The following FRMD4B variants were observed in gnomAD, a reference collection of about 807,000 sequenced individuals.
FRMD4B encodes FERM domain containing 4B.
A neutral mutation model predicts 141.5 loss-of-function variants in FRMD4B; 74 were observed. The observed-to-expected ratio is 0.52, with a 90% CI of 0.43 to 0.63. The LOEUF is 0.63. Ranked by LOEUF, FRMD4B falls within the 30% of genes least tolerant of loss-of-function variation. FRMD4B has a pLI of 0.00. For missense variants in FRMD4B, 1,366 were observed against 1,253.4 expected (o/e 1.09, Z -1.36); for synonymous variants, 506 against 467.9 (o/e 1.08, Z -1.05).
At chr3:69,250,347 A>G in intron 5 of FRMD4B, 1 of 404,798 alleles carries the variant, frequency 2.5e-6, no homozygotes, top group East Asian at 4.2e-5. Flanking sequence ...GTGACGGATT[A>G]TGTGTAGAGA....
intron 1 of FRMD4B, among the ~76,000 whole-genome samples, chr3:69,470,206 G>A (rs572669722): frequency 7.9e-5 from 12 of 152,328 alleles, no homozygotes; most frequent in Admixed American, 2.0e-4. Flanking sequence ...CCACAGTGCA[G>A]TCCATTATGG....
intron 4 of FRMD4B, among the ~76,000 whole-genome samples, chr3:69,295,095 C>G (rs768265784): frequency 2.0e-5 from 3 of 152,200 alleles, no homozygotes; most frequent in Non-Finnish European, 4.4e-5. Flanking sequence ...TCTACATTAG[C>G]TGTTAGCACT....
chr3:69,397,853 A>G (rs1321219821), intron 2 of FRMD4B, among the ~76,000 whole-genome samples: 1 of 152,208 alleles, frequency 6.6e-6, no homozygotes, highest in African/African-American at 2.4e-5. Context: ...CATTTTACAT[A>G]GGTGAACTAT....
intron 1 of FRMD4B, among the ~76,000 whole-genome samples, chr3:69,508,510 G>A (rs568703684): frequency 6.6e-6 from 1 of 152,266 alleles, no homozygotes; most frequent in East Asian, 1.9e-4. Context: ...AATAGGGGAA[G>A]GGAGAAAGAA....
intron 1 of FRMD4B, among the ~76,000 whole-genome samples, chr3:69,332,808 A>G (rs1432602876): frequency 7.1e-6 from 1 of 140,118 alleles, no homozygotes; most frequent in East Asian, 2.0e-4. Context: ...GGCTGTTCTC[A>G]AACTCCTGGG....
At chr3:69,338,420 A>G (rs1236314907) in intron 1 of FRMD4B, among the ~76,000 whole-genome samples, 1 of 152,194 alleles carries the variant, frequency 6.6e-6, no homozygotes, top group Non-Finnish European at 1.5e-5. Flanking sequence ...ACAAACCTGC[A>G]CGTTGTGCAC....
intron 7 of FRMD4B, among the ~76,000 whole-genome samples, chr3:69,244,709 C>T (rs2093411076): frequency 6.6e-6 from 1 of 151,992 alleles, no homozygotes. Flanking sequence ...GCCTGGACAA[C>T]ATGGTGAAAA....
At position 69,446,184 on chromosome 3, in the gene FRMD4B, T is replaced by A. The variant is rs780153651; in HGVS notation, c.-128-13423A>T. 2.4e-4 allele frequency among the ~76,000 whole-genome samples: 36 copies of A among 147,384 alleles called. 1 individual carries two copies. The highest frequency in any genetic ancestry group is 5.0e-4 in the Non-Finnish European group (33 of 66,662). The stretch of plus-strand genomic sequence containing the variant: ...CTGGGATTACAGGCATGTACCACCA[T>A]GCCTGGCTAATTTTTGTATTTTTCG... On this transcript the variant is annotated intron_variant, in intron 1 of 5. Transcript: ENST00000459638.
rs1559721470 is a variant in FRMD4B, at chr3:69,212,374, A to AAAAG, written c.876+3888_876+3889insCTTT. Among the ~76,000 whole-genome samples the AAAAG allele has an allele frequency of 1.1e-3, 102 of 89,480 alleles. 3 individuals carry two copies. The highest frequency in any genetic ancestry group is 2.8e-3 in the Admixed American group (19 of 6,710). 58.7% of individuals were successfully genotyped at this position (89,480 alleles called of 152,430 possible). On this transcript the variant is annotated intron_variant, in intron 11 of 22. Coordinates refer to ENST00000398540, the MANE Select transcript of FRMD4B (RefSeq NM_015123.3). ...AACCCCGTCTCAAAAAAAAAAAAAA[A>AAAAG]AAAAAAGAAAAAAAAAAAGAAAAAA... is the stretch of plus-strand genomic sequence containing the variant.
chr3:69,308,272 T>C (rs1459646590), intron 3 of FRMD4B, among the ~76,000 whole-genome samples: 1 of 152,136 alleles, frequency 6.6e-6, no homozygotes, highest in Non-Finnish European at 1.5e-5. Context: ...GCACTGTTAT[T>C]ATGTCCAGCG....
At chr3:69,360,797 C>T (rs1192525276) in intron 1 of FRMD4B, among the ~76,000 whole-genome samples, 1 of 152,100 alleles carries the variant, frequency 6.6e-6, no homozygotes, top group Non-Finnish European at 1.5e-5. Flanking sequence ...TAGGTCGCCA[C>T]TTGTGTTTTT....
At chr3:69,182,751 T>G (rs1202394358) in intron 19 of FRMD4B, 34 bp from the exon 20 acceptor site, 1 of 1,606,722 alleles carries the variant, frequency 6.2e-7, no homozygotes, top group Non-Finnish European at 8.5e-7. Flanking sequence ...CAGGAAATGA[T>G]GAGTCTCTCA....
At chr3:69,204,599 G>A (rs143567327) in intron 11 of FRMD4B, among the ~76,000 whole-genome samples, 1 of 152,214 alleles carries the variant, frequency 6.6e-6, no homozygotes, top group African/African-American at 2.4e-5. Flanking sequence ...TATACTGTTA[G>A]TACCTTCTGG....
intron 1 of FRMD4B, among the ~76,000 whole-genome samples, chr3:69,447,402 G>A (rs566983524): frequency 5.9e-5 from 9 of 152,252 alleles, no homozygotes; most frequent in Admixed American, 6.5e-5. Context: ...CAATAACAGA[G>A]ATATTGAAGA....
chr3:69,329,396 C>A lies in FRMD4B; in HGVS notation c.163-15879G>T, dbSNP rs1277423840. 3.9e-5 allele frequency among the ~76,000 whole-genome samples: 6 copies of A among 152,032 alleles called. No homozygotes were observed. In the East Asian group the frequency reaches 1.2e-3, roughly 29 times the overall value. ...ACAGAGTCTCATTCCGTCACCCAGG[C>A]TGGAGTGCAGTAGCGCAATCTCTGC... On this transcript the variant is annotated intron_variant, in intron 1 of 22. Transcript: ENST00000398540.
At chr3:69,187,275 G>A (rs2092778020) in intron 19 of FRMD4B, among the ~76,000 whole-genome samples, 2 of 151,926 alleles carry the variant, frequency 1.3e-5, no homozygotes, top group South Asian at 4.2e-4. Context: ...GCCAGGCACG[G>A]TGGCTCAAAC....
At chr3:69,225,735 G>T in intron 7 of FRMD4B, among the ~76,000 whole-genome samples, 1 of 84,362 alleles carries the variant, frequency 1.2e-5, no homozygotes, top group Non-Finnish European at 2.5e-5. Context: ...AAAAGAGGGA[G>T]AACACGTAAT....
chr3:69,223,739 T>C (rs2093221577), intron 8 of FRMD4B, among the ~76,000 whole-genome samples: 1 of 152,008 alleles, frequency 6.6e-6, no homozygotes, highest in South Asian at 2.1e-4. Context: ...CTCGGGAAGC[T>C]GAGGCACAAG....
intron 1 of FRMD4B, among the ~76,000 whole-genome samples, chr3:69,333,409 C>A (rs1416116122): frequency 6.6e-6 from 1 of 152,090 alleles, no homozygotes; most frequent in Non-Finnish European, 1.5e-5. Context: ...AAGATATGAA[C>A]CTGGAAAAGT....
Sources: allele counts gnomAD v4.1 joint callset (sites outside exome capture counted in the v4.1 genomes callset), GRCh38; gene constraint gnomAD v4.1.1; transcripts MANE v1.5; gene names NCBI Gene and HGNC (gene_info 2026-07-23, HGNC 2026-07-21).